The following SUGCT variants were observed in gnomAD, a reference collection of about 807,000 sequenced individuals.
The protein encoded by SUGCT is succinyl-CoA:glutarate CoA-transferase.
In SUGCT, 41 loss-of-function variants were observed where a neutral mutation model predicts 55.0. The observed-to-expected ratio is 0.74, with a 90% CI of 0.58 to 0.97. SUGCT has a LOEUF of 0.97. SUGCT is among the 50% of genes least tolerant of loss of function. The pLI is 0.00. For synonymous variants in SUGCT, 187 were observed against 200.4 expected, an observed-to-expected ratio of 0.93 and a Z score of 0.56; for missense variants, 568 against 547.8, an observed-to-expected ratio of 1.04 and a Z score of -0.37.
chr7:40,425,436 C>T, intron 9 of SUGCT, among the ~76,000 whole-genome samples: 1 of 152,046 alleles, frequency 6.6e-6, no homozygotes, highest in South Asian at 2.1e-4. Flanking sequence ...AAAAAACTGC[C>T]ACCTGACCAA....
chr7:40,460,992 C>T (rs1422597009), intron 11 of SUGCT, among the ~76,000 whole-genome samples: 1 of 152,098 alleles, frequency 6.6e-6, no homozygotes, highest in Non-Finnish European at 1.5e-5. Flanking sequence ...CAGATAGAGC[C>T]CTTGGCTGCT....
intron 1 of SUGCT, among the ~76,000 whole-genome samples, chr7:40,143,807 C>T (rs139580459): frequency 0.033 from 4,995 of 152,226 alleles, 262 homozygotes; most frequent in African/African-American, 0.11. Flanking sequence ...TTCAAAGAAT[C>T]CAATAGGGTC....
chr7:40,471,529 G>A (rs1268291558), intron 11 of SUGCT, among the ~76,000 whole-genome samples: 2 of 152,002 alleles, frequency 1.3e-5, no homozygotes, highest in Non-Finnish European at 2.9e-5. Flanking sequence ...GTAACAAGAT[G>A]TGTATGGGGC....
chr7:40,626,482 G>C (rs1799534089), intron 12 of SUGCT, among the ~76,000 whole-genome samples: 1 of 150,744 alleles, frequency 6.6e-6, no homozygotes, highest in South Asian at 2.1e-4. Context: ...TCGATCTCTT[G>C]ACCTCGTGAT....
intron 1 of SUGCT, among the ~76,000 whole-genome samples, chr7:40,175,342 C>T (rs1346409353): frequency 6.6e-6 from 1 of 152,048 alleles, no homozygotes; most frequent in African/African-American, 2.4e-5. Context: ...GCCTCAGCCC[C>T]CCTAGTAGCT....
At chr7:40,417,552 A>G (rs1787069783) in intron 9 of SUGCT, among the ~76,000 whole-genome samples, 1 of 151,930 alleles carries the variant, frequency 6.6e-6, no homozygotes, top group African/African-American at 2.4e-5. Flanking sequence ...TGGGTTTATC[A>G]GTAGATGTGA....
intron 12 of SUGCT, among the ~76,000 whole-genome samples, chr7:40,567,012 C>A (rs1054542991): frequency 2.6e-5 from 4 of 152,182 alleles, no homozygotes; most frequent in Admixed American, 1.3e-4. Context: ...GCCTGTCCCC[C>A]CAAAAGCCAC....
the SUGCT span, among the ~76,000 whole-genome samples, chr7:40,887,094 A>G: frequency 2.6e-5 from 4 of 152,210 alleles, no homozygotes; most frequent in African/African-American, 9.7e-5. Flanking sequence ...CTCAAGGTGG[A>G]AAAGAGGACC....
the SUGCT span, among the ~76,000 whole-genome samples, chr7:41,038,323 T>A: frequency 6.6e-6 from 1 of 152,226 alleles, no homozygotes; most frequent in Non-Finnish European, 1.5e-5. Flanking sequence ...TTCCTCTGAT[T>A]CTTCCTTCTG....
rs536707558 is a variant in SUGCT at position 40,592,294 on chromosome 7, T to G, written c.1089+95908T>G. ...GATGAGGTCCCATTGTCTCTCTTAT[T>G]ATTTTGTGGCAGAGATTCAAATAAA... On this transcript the variant is annotated intron_variant, in intron 12 of 13. Transcript: ENST00000335693. Among the ~76,000 whole-genome samples the G allele has an allele frequency of 1.8e-4, 28 of 152,324 alleles. 1 individual carries two copies. The highest frequency in any genetic ancestry group is 6.0e-4 in the African/African-American group (25 of 41,570).
chr7:40,472,244 T>C (rs536570919), intron 11 of SUGCT, among the ~76,000 whole-genome samples: 1 of 152,250 alleles, frequency 6.6e-6, no homozygotes, highest in Non-Finnish European at 1.5e-5. Flanking sequence ...AAGTACACAA[T>C]TGCAGAGTTG....
chr7:40,919,539 C>A, the SUGCT span, among the ~76,000 whole-genome samples: 1 of 152,170 alleles, frequency 6.6e-6, no homozygotes, highest in Non-Finnish European at 1.5e-5. Flanking sequence ...GTTTCCTCAT[C>A]CTAGCTTTGC....
At chr7:40,654,090 G>C (rs1282601036) in intron 12 of SUGCT, among the ~76,000 whole-genome samples, 1 of 151,848 alleles carries the variant, frequency 6.6e-6, no homozygotes, top group Admixed American at 6.6e-5. Flanking sequence ...TTTCCCATAA[G>C]GTATCAATAT....
At chr7:40,522,712 C>T (rs1793603106) in intron 12 of SUGCT, among the ~76,000 whole-genome samples, 3 of 152,038 alleles carry the variant, frequency 2.0e-5, no homozygotes, top group Admixed American at 2.0e-4. Flanking sequence ...TCTTTTTCCT[C>T]TTAGTTTTAA....
intron 6 of SUGCT, among the ~76,000 whole-genome samples, chr7:40,214,769 C>G (rs920161539): frequency 1.3e-5 from 2 of 151,948 alleles, no homozygotes; most frequent in African/African-American, 4.8e-5. Flanking sequence ...CAAAAATTAT[C>G]TGGGTGTGGT....
At chr7:40,840,473 CAAA>C (rs200374763) in intron 13 of SUGCT, among the ~76,000 whole-genome samples, 2 of 124,940 alleles carry the variant, frequency 1.6e-5, no homozygotes, top group Non-Finnish European at 3.4e-5. Context: ...GAGGAAGACT[CAAA>C]AAAAAAAAAA....
chr7:40,789,117 A>C (rs2128743680), intron 13 of SUGCT, among the ~76,000 whole-genome samples: 1 of 152,326 alleles, frequency 6.6e-6, no homozygotes, highest in South Asian at 2.1e-4. Context: ...ATTTTATTGT[A>C]AGAAAACTTA....
intron 12 of SUGCT, among the ~76,000 whole-genome samples, chr7:40,666,885 T>C (rs1801670742): frequency 6.6e-6 from 1 of 152,192 alleles, no homozygotes; most frequent in East Asian, 1.9e-4. Context: ...TGGGAGCACT[T>C]TGCGAGGCTG....
At chr7:40,369,306 A>G (rs544748986) in intron 9 of SUGCT, among the ~76,000 whole-genome samples, 1 of 152,198 alleles carries the variant, frequency 6.6e-6, no homozygotes, top group Admixed American at 6.5e-5. Flanking sequence ...AATGAAGTAG[A>G]CTATTATTAG....
Sources: gnomAD v4.1 joint callset for allele counts (sites outside exome capture counted in the v4.1 genomes callset) on GRCh38, gnomAD v4.1.1 for gene constraint, MANE v1.5 for transcripts, NCBI Gene and HGNC (gene_info 2026-07-23, HGNC 2026-07-21) for gene names.